Variants in PPM1B observed in about 807,000 individuals in gnomAD.
The protein encoded by PPM1B is protein phosphatase 1B.
A neutral mutation model predicts 43.0 loss-of-function variants in PPM1B; 22 were observed. The ratio of observed to expected loss-of-function variants is 0.51; its 90% CI spans 0.37 to 0.73. The LOEUF is 0.73. Among genes scored for constraint, PPM1B ranks in the 30% least tolerant of loss-of-function variants. The pLI, the probability that PPM1B is intolerant of heterozygous loss-of-function variation, is 0.00. For synonymous variants in PPM1B, 217 were observed against 197.9 expected (o/e 1.10, Z -0.81); for missense variants, 632 against 584.2 (o/e 1.08, Z -0.84).
chr2:44,215,205 T>C (rs867812300), intron 3 of PPM1B, among the ~76,000 whole-genome samples: 8 of 152,216 alleles, frequency 5.3e-5, no homozygotes, highest in African/African-American at 1.9e-4. Context: ...AACTTCACAG[T>C]AGCTTACACC....
At chr2:44,191,934 G>T (rs1485261847) in intron 1 of PPM1B, among the ~76,000 whole-genome samples, 2 of 151,914 alleles carry the variant, frequency 1.3e-5, no homozygotes, top group African/African-American at 2.4e-5. Flanking sequence ...TCTACTTTCA[G>T]TCCTGACACT....
At chr2:44,232,585 T>C, downstream of PPM1B, 1 of 1,323,296 alleles carries the variant, frequency 7.6e-7, no homozygotes. Context: ...TCGTTACATC[T>C]GTATTGAACT....
chr2:44,219,324 ACAGAAATGAAACTG>A (rs1041623660), intron 5 of PPM1B: 3 of 152,072 alleles, frequency 2.0e-5, no homozygotes, highest in African/African-American at 4.8e-5. Flanking sequence ...AGGGAACCAA[ACAGAAATGAAACTG>A]ATTGGGAGGA....
intron 3 of PPM1B, among the ~76,000 whole-genome samples, chr2:44,215,810 A>G (rs1320304669): frequency 6.6e-6 from 1 of 152,130 alleles, no homozygotes; most frequent in Non-Finnish European, 1.5e-5. Context: ...TTTTTTTTTA[A>G]TAGAGAAATA....
chr2:44,179,210 A>G (rs1261828890), intron 1 of PPM1B, among the ~76,000 whole-genome samples: 10 of 152,212 alleles, frequency 6.6e-5, no homozygotes, highest in Non-Finnish European at 1.5e-4. Context: ...TGCCTTCAGC[A>G]GTGATCATGA....
intron 2 of PPM1B, 118 bp downstream of exon 2, chr2:44,202,163 T>G (rs1668970079): frequency 9.9e-7 from 1 of 1,010,670 alleles, no homozygotes; most frequent in South Asian, 2.4e-5. Context: ...CTGTATATTT[T>G]GAAGTACTTT....
chr2:44,180,867 A>G (rs1667842009), intron 1 of PPM1B, among the ~76,000 whole-genome samples: 1 of 152,022 alleles, frequency 6.6e-6, no homozygotes, highest in African/African-American at 2.4e-5. Flanking sequence ...TAAGAAGAGC[A>G]AAAATGTTAA....
chr2:44,216,100 A>T (rs1669705656), intron 3 of PPM1B, among the ~76,000 whole-genome samples: 1 of 152,202 alleles, frequency 6.6e-6, no homozygotes, highest in Admixed American at 6.5e-5. Flanking sequence ...TGAGTACAAG[A>T]GTGATTTGTT....
chr2:44,193,139 A>T (rs560794372), intron 1 of PPM1B, among the ~76,000 whole-genome samples: 1 of 152,302 alleles, frequency 6.6e-6, no homozygotes, highest in South Asian at 2.1e-4. Context: ...TTTTTGAGGA[A>T]TAGATAGTTG....
intron 2 of PPM1B, among the ~76,000 whole-genome samples, chr2:44,203,210 C>A (rs1669020479): frequency 6.6e-6 from 1 of 152,166 alleles, no homozygotes; most frequent in South Asian, 2.1e-4. Context: ...TGTCAGTGGA[C>A]AGCCTTTTTC....
intron 1 of PPM1B, among the ~76,000 whole-genome samples, chr2:44,192,231 G>GTATTGTATTGTATTT (rs1192854155): frequency 1.3e-5 from 2 of 151,168 alleles, no homozygotes; most frequent in African/African-American, 4.9e-5. Flanking sequence ...GTATTGTATT[G>GTATTGTATTGTATTT]TATTGAGATG....
intron 3 of PPM1B, among the ~76,000 whole-genome samples, chr2:44,212,586 G>T (rs75274174): frequency 3.2e-3 from 489 of 152,240 alleles, no homozygotes; most frequent in African/African-American, 0.011. Flanking sequence ...CATAATTGCT[G>T]ATATGTTTGA....
intron 1 of PPM1B, among the ~76,000 whole-genome samples, chr2:44,193,524 G>A (rs74659219): frequency 3.3e-5 from 5 of 151,506 alleles, no homozygotes; most frequent in Non-Finnish European, 5.9e-5. Context: ...TTCCCTAGTA[G>A]CTAGGACTAC....
intron 1 of PPM1B, among the ~76,000 whole-genome samples, chr2:44,178,468 A>G (rs1029678964): frequency 3.5e-5 from 3 of 85,210 alleles, no homozygotes; most frequent in African/African-American, 8.1e-5. Context: ...ATATATATAT[A>G]TATATATTTT....
Position 44,231,065 on chromosome 2 carries a change from T to C in PPM1B, c.*347T>C. ...TATATTATGGAAAAACTTGTTAATG[T>C]AGAATTATACTGCTTCATATTATTT... is the stretch of plus-strand genomic sequence containing the variant. On this transcript the variant is annotated 3_prime_UTR_variant, in exon 6 of 6. Transcript: ENST00000282412. 1 of 912,564 alleles carries C rather than the reference T, an allele frequency of 1.1e-6. No homozygotes were observed. Among genetic ancestry groups the C allele is most frequent in the East Asian group, 1.1e-4 (1 of 9,248 alleles). The allele number at this position is 912,564 out of a possible 1,614,324, so 56.5% of individuals were successfully genotyped here. A position where few individuals can be genotyped will look rare whatever the true frequency, so the allele number is the denominator to read the frequency against.
downstream of PPM1B, among the ~76,000 whole-genome samples, chr2:44,244,840 C>T (rs532024116): frequency 0.19 from 23,543 of 125,044 alleles, 2,205 homozygotes; most frequent in African/African-American, 0.28. Context: ...TATATATATA[C>T]ACACACACAC....
chr2:44,226,735 CT>C (rs60750702), intron 5 of PPM1B, among the ~76,000 whole-genome samples: 5,530 of 66,440 alleles, frequency 0.083, 97 homozygotes, highest in African/African-American at 0.24. Flanking sequence ...AGGTTTTTAT[CT>C]TTTTTTTTTT....
intron 1 of PPM1B, among the ~76,000 whole-genome samples, chr2:44,175,785 A>ATTT (rs1341851363): frequency 2.2e-5 from 3 of 138,292 alleles, no homozygotes; most frequent in Non-Finnish European, 3.1e-5. Context: ...TTGGTTTGAG[A>ATTT]TTTTTTTTTT....
chr2:44,218,677 G>A, intron 5 of PPM1B, 140 bp downstream of exon 5: 1 of 642,526 alleles, frequency 1.6e-6, no homozygotes, highest in East Asian at 3.1e-5. Flanking sequence ...TAAAGTGTCA[G>A]TTAAAGTTTA....
Sources: gnomAD v4.1 joint callset for allele counts (sites outside exome capture counted in the v4.1 genomes callset) on GRCh38, gnomAD v4.1.1 for gene constraint, MANE v1.5 for transcripts, NCBI Gene and HGNC (gene_info 2026-07-23, HGNC 2026-07-21) for gene names.